Variants in FAM184B observed in about 807,000 individuals in gnomAD.
The protein encoded by FAM184B is family with sequence similarity 184 member B.
Under a neutral mutation model 135.9 loss-of-function variants are expected in FAM184B, and 111 were observed. The observed-to-expected ratio is 0.82, with a 90% CI of 0.70 to 0.96. The LOEUF is 0.96. Among genes scored for constraint, FAM184B ranks in the 40% least tolerant of loss-of-function variants. The probability of loss-of-function intolerance (pLI) is 0.00; values close to 1 mark genes in which losing one functional copy is unlikely to be tolerated. For synonymous variants in FAM184B, 552 were observed against 524.8 expected (o/e 1.05, Z -0.71); for missense variants, 1,375 against 1,323.9 (o/e 1.04, Z -0.60).
At chr4:17,756,583 A>G (rs373711188) in intron 1 of FAM184B, among the ~76,000 whole-genome samples, 1 of 152,166 alleles carries the variant, frequency 6.6e-6, no homozygotes, top group South Asian at 2.1e-4. Context: ...CAGCTAACCA[A>G]ATAGTTGATG....
At chr4:17,641,251 C>T (rs1715301675) in intron 13 of FAM184B, among the ~76,000 whole-genome samples, 1 of 151,878 alleles carries the variant, frequency 6.6e-6, no homozygotes, top group African/African-American at 2.4e-5. Flanking sequence ...AGTCTTATCC[C>T]CATTTTACAG....
intron 12 of FAM184B, among the ~76,000 whole-genome samples, chr4:17,643,075 C>T (rs147438816): frequency 6.6e-6 from 1 of 152,276 alleles, no homozygotes; most frequent in Admixed American, 6.5e-5. Context: ...CCACTTGGCA[C>T]TCTCACATGC....
intron 11 of FAM184B, among the ~76,000 whole-genome samples, chr4:17,652,314 C>T (rs1027907875): frequency 6.6e-5 from 10 of 151,744 alleles, no homozygotes; most frequent in East Asian, 1.9e-4. Flanking sequence ...TTAGTAGAGA[C>T]GGGGTTTCAC....
intron 1 of FAM184B, among the ~76,000 whole-genome samples, chr4:17,767,123 C>A (rs986481162): frequency 1.3e-5 from 2 of 152,300 alleles, no homozygotes; most frequent in East Asian, 3.9e-4. Flanking sequence ...CGAGCCAACG[C>A]CCACCCGGAA....
At position 17,705,216 on chromosome 4, in the gene FAM184B, G is replaced by A; in HGVS notation, c.1171-10C>T. The A allele has an allele frequency of 6.5e-7, 1 of 1,547,626 alleles. No homozygotes were observed. Among genetic ancestry groups the A allele is most frequent in the Non-Finnish European group, 8.7e-7 (1 of 1,145,572 alleles). On this transcript the variant is annotated splice_polypyrimidine_tract_variant and intron_variant, in intron 4 of 17. Transcript: ENST00000265018. ...TTGCCTCTTTCTTGGTCTATAAAAA[G>A]AAAAAGGACCTTGTAAAACCACTGG...
At chr4:17,751,830 C>CACACACACACACACACACAT in intron 1 of FAM184B, among the ~76,000 whole-genome samples, 1 of 139,132 alleles carries the variant, frequency 7.2e-6, no homozygotes, top group Non-Finnish European at 1.5e-5. Flanking sequence ...AAGGCACACA[C>CACACACACACACACACACAT]ACACACACAC....
At chr4:17,733,817 G>A (rs1473366012) in intron 1 of FAM184B, among the ~76,000 whole-genome samples, 1 of 152,116 alleles carries the variant, frequency 6.6e-6, no homozygotes, top group African/African-American at 2.4e-5. Context: ...TCACAGAATT[G>A]GAGAAAACTA....
intron 1 of FAM184B, among the ~76,000 whole-genome samples, chr4:17,761,284 G>T (rs997504287): frequency 1.3e-5 from 2 of 152,016 alleles, no homozygotes; most frequent in Non-Finnish European, 1.5e-5. Flanking sequence ...CACAGGAAAG[G>T]CCATATGAGG....
At chr4:17,665,010 G>T (rs1004975321) in intron 7 of FAM184B, among the ~76,000 whole-genome samples, 1 of 152,168 alleles carries the variant, frequency 6.6e-6, no homozygotes, top group African/African-American at 2.4e-5. Context: ...CGGATAATAG[G>T]ACCCTGGGGA....
At chr4:17,716,700 T>A (rs747201118) in intron 1 of FAM184B, among the ~76,000 whole-genome samples, 1 of 152,184 alleles carries the variant, frequency 6.6e-6, no homozygotes, top group Non-Finnish European at 1.5e-5. Context: ...TTACAGCCTG[T>A]CCCTCATGGT....
At chr4:17,671,140 C>G (rs1481234977) in intron 7 of FAM184B, among the ~76,000 whole-genome samples, 1 of 152,124 alleles carries the variant, frequency 6.6e-6, no homozygotes, top group Non-Finnish European at 1.5e-5. Flanking sequence ...ACCAGACTCA[C>G]TAAAGCTGGT....
At chr4:17,733,285 G>A (rs974415581) in intron 1 of FAM184B, among the ~76,000 whole-genome samples, 2 of 152,152 alleles carry the variant, frequency 1.3e-5, no homozygotes, top group Non-Finnish European at 2.9e-5. Context: ...ACAAGACAGG[G>A]ATGCCCTCTC....
At chr4:17,738,831 T>G (rs1717963832) in intron 1 of FAM184B, among the ~76,000 whole-genome samples, 1 of 152,048 alleles carries the variant, frequency 6.6e-6, no homozygotes, top group African/African-American at 2.4e-5. Flanking sequence ...TTCACTCTAT[T>G]ATTATAGTTT....
At chr4:17,701,612 A>G (rs183542701) in intron 5 of FAM184B, among the ~76,000 whole-genome samples, 1 of 152,214 alleles carries the variant, frequency 6.6e-6, no homozygotes, top group African/African-American at 2.4e-5. Context: ...GCATGGGCAC[A>G]TGACTGAAGC....
intron 1 of FAM184B, among the ~76,000 whole-genome samples, chr4:17,764,021 G>GT (rs759842384): frequency 6.6e-6 from 1 of 151,986 alleles, no homozygotes; most frequent in South Asian, 2.1e-4. Context: ...CTACCTACAT[G>GT]TTTTTTACTC....
intron 8 of FAM184B, among the ~76,000 whole-genome samples, chr4:17,664,101 G>C (rs1352627549): frequency 6.6e-6 from 1 of 152,126 alleles, no homozygotes; most frequent in Non-Finnish European, 1.5e-5. Flanking sequence ...GAGCCTGATA[G>C]AGCCAATCAT....
At chr4:17,779,306 ATAG>A (rs1193347657) in intron 1 of FAM184B, among the ~76,000 whole-genome samples, 4 of 152,362 alleles carry the variant, frequency 2.6e-5, no homozygotes, top group Admixed American at 1.3e-4. Context: ...TCACATACAA[ATAG>A]TAGCCAAAAG....
At chr4:17,775,770 T>C (rs572642860) in intron 1 of FAM184B, among the ~76,000 whole-genome samples, 1 of 152,300 alleles carries the variant, frequency 6.6e-6, no homozygotes, top group East Asian at 1.9e-4. Context: ...TCACATGTTC[T>C]CACTTGCAAG....
At chr4:17,744,982 C>A (rs1718129045) in intron 1 of FAM184B, among the ~76,000 whole-genome samples, 2 of 152,182 alleles carry the variant, frequency 1.3e-5, no homozygotes, top group Non-Finnish European at 2.9e-5. Flanking sequence ...ACTGGGACCT[C>A]TTCAGCCGGA....
Sources: allele counts gnomAD v4.1 joint callset (sites outside exome capture counted in the v4.1 genomes callset), GRCh38; gene constraint gnomAD v4.1.1; transcripts MANE v1.5; gene names NCBI Gene and HGNC (gene_info 2026-07-23, HGNC 2026-07-21).